Variants in OC90 observed in about 807,000 individuals in gnomAD.
OC90 encodes otoconin 90, also known as otoconin-90.
A neutral mutation model predicts 47.3 loss-of-function variants in OC90; 46 were observed. The observed-to-expected ratio is 0.97, with a 90% CI of 0.77 to 1.24. OC90 has a LOEUF of 1.24. Among genes scored for constraint, OC90 ranks in the 50% most tolerant of loss-of-function variants. The pLI is 0.00. For synonymous variants in OC90, 271 were observed against 219.5 expected, an observed-to-expected ratio of 1.23 and a Z score of -2.07; for missense variants, 688 against 583.9, an observed-to-expected ratio of 1.18 and a Z score of -1.84.
At chr8:132,033,782 A>T (rs1317013780) in intron 10 of OC90, among the ~76,000 whole-genome samples, 1 of 152,088 alleles carries the variant, frequency 6.6e-6, no homozygotes, top group Non-Finnish European at 1.5e-5. Context: ...TCTTAGCTGG[A>T]GGCAGCAAAG....
intron 9 of OC90, 56 bp from the exon 10 acceptor site, chr8:132,034,890 G>T: frequency 1.5e-6 from 2 of 1,349,730 alleles, no homozygotes; most frequent in South Asian, 1.2e-5. Context: ...GTCCCACCTG[G>T]GTTTCCAGAG....
At chr8:132,049,284 T>G (rs1172415503) in intron 2 of OC90, among the ~76,000 whole-genome samples, 1 of 146,908 alleles carries the variant, frequency 6.8e-6, no homozygotes, top group African/African-American at 2.7e-5. Context: ...ACTCCAAACC[T>G]TCTGTGATTC....
chr8:132,032,346 T>TG (rs1411201308), intron 11 of OC90, among the ~76,000 whole-genome samples: 1 of 152,130 alleles, frequency 6.6e-6, no homozygotes, highest in Non-Finnish European at 1.5e-5. Flanking sequence ...AGATGCTGTT[T>TG]GGGGCCACAT....
chr8:132,038,711 TG>T, intron 8 of OC90, 78 bp downstream of exon 8: 1 of 1,104,900 alleles, frequency 9.1e-7, no homozygotes, highest in Non-Finnish European at 1.4e-6. Flanking sequence ...GCAGGCCTGG[TG>T]GAGGAGGTGT....
intron 9 of OC90, chr8:132,036,511 G>A (rs887120830): frequency 1.3e-6 from 1 of 768,812 alleles, no homozygotes; most frequent in Admixed American, 1.7e-5. Flanking sequence ...GGATGTAAGA[G>A]AGGAGGCTTA....
chr8:132,056,157 G>A (rs1823277149), intron 1 of OC90, among the ~76,000 whole-genome samples: 1 of 152,168 alleles, frequency 6.6e-6, no homozygotes, highest in Non-Finnish European at 1.5e-5. Context: ...GGGTCAACTA[G>A]ATGCTGAAAA....
At chr8:132,046,729 A>G (rs890524489) in intron 2 of OC90, among the ~76,000 whole-genome samples, 1 of 152,182 alleles carries the variant, frequency 6.6e-6, no homozygotes, top group African/African-American at 2.4e-5. Context: ...AATGATCAAA[A>G]GGGTTTTGTC....
intron 4 of OC90, among the ~76,000 whole-genome samples, chr8:132,043,739 A>C (rs1823091606): frequency 6.6e-6 from 1 of 152,202 alleles, no homozygotes; most frequent in African/African-American, 2.4e-5. Context: ...AAAAAGCAAC[A>C]CTAAGCTTTA....
intron 9 of OC90, among the ~76,000 whole-genome samples, 179 bp downstream of exon 9, chr8:132,037,259 G>T (rs944089181): frequency 2.0e-5 from 3 of 152,222 alleles, no homozygotes; most frequent in Admixed American, 2.0e-4. Flanking sequence ...TGGAGATGGG[G>T]CCTGGTGGGA....
intron 9 of OC90, among the ~76,000 whole-genome samples, chr8:132,035,824 G>T (rs1413826183): frequency 6.6e-6 from 1 of 152,172 alleles, no homozygotes; most frequent in South Asian, 2.1e-4. Flanking sequence ...GTAAAATGAG[G>T]ATAGGCCTCC....
Position 132,031,738 on chromosome 8 carries a change from G to A in OC90, c.1031+143C>T, listed in dbSNP as rs898319747. 4.6e-6 allele frequency: 3 copies of A among 651,966 alleles called. No individual in the cohort carries two copies. The African/African-American group carries it at 5.5e-5, about 12-fold the overall frequency. The allele number at this position is 651,966 out of a possible 1,614,324, so 40.4% of individuals were successfully genotyped here. ...GAAAGTGGGCCTATGATGCTGTAGA[G>A]CCACCTGAGTGAGCTGCTGTGTGCA... On this transcript the variant is annotated intron_variant, in intron 12 of 13. Coordinates refer to ENST00000254627, the MANE Select transcript of OC90 (RefSeq NM_001080399.3).
chr8:132,042,455 C>T (rs1487324514), intron 4 of OC90, among the ~76,000 whole-genome samples: 2 of 152,092 alleles, frequency 1.3e-5, no homozygotes, highest in African/African-American at 2.4e-5. Context: ...TACTGAGGCT[C>T]GGGGTCCCAA....
intron 13 of OC90, among the ~76,000 whole-genome samples, chr8:132,028,856 AGGAAGGAAGGAAG>A (rs1473143548): frequency 6.8e-6 from 1 of 147,812 alleles, no homozygotes; most frequent in Non-Finnish European, 1.5e-5. Context: ...AGAAGGAAAG[AGGAAGGAAGGAAG>A]GGAAGGAAGG....
intron 9 of OC90, among the ~76,000 whole-genome samples, chr8:132,035,274 G>A (rs1160798652): frequency 1.3e-5 from 2 of 152,194 alleles, no homozygotes; most frequent in African/African-American, 4.8e-5. Context: ...TGTTGTTATT[G>A]TTATTTGACA....
chr8:132,032,914 G>A, intron 11 of OC90, 125 bp downstream of exon 11: 2 of 1,086,118 alleles, frequency 1.8e-6, no homozygotes, highest in Admixed American at 5.4e-5. Context: ...GCAGTCAGGG[G>A]GATGATGTCT....
rs527523369 is a variant in OC90 at position 132,046,360 on chromosome 8, C to G, written c.47-477G>C. Among the ~76,000 whole-genome samples, 20 of 152,304 alleles carry G rather than the reference C, an allele frequency of 1.3e-4. No homozygotes were observed. In the East Asian group the frequency reaches 3.7e-3, roughly 28 times the overall value. On this transcript the variant is annotated intron_variant, in intron 2 of 13. Coordinates refer to ENST00000254627, the MANE Select transcript of OC90 (RefSeq NM_001080399.3). ...CCGTAAACATTCTGATTTCTGTGCT[C>G]TCACTCAAGTTTGATTCAGCCAGTC...
intron 1 of OC90, among the ~76,000 whole-genome samples, chr8:132,058,317 G>A (rs1823301543): frequency 6.6e-6 from 1 of 152,176 alleles, no homozygotes; most frequent in South Asian, 2.1e-4. Context: ...TCTACCTGGA[G>A]GAAAGACCTC....
chr8:132,057,164 A>G (rs1823288721), intron 1 of OC90, among the ~76,000 whole-genome samples: 2 of 152,254 alleles, frequency 1.3e-5, no homozygotes, highest in South Asian at 4.1e-4. Context: ...CAATGATGGC[A>G]TCTGGCTCGA....
intron 13 of OC90, among the ~76,000 whole-genome samples, chr8:132,026,446 A>G (rs1282288288): frequency 2.0e-5 from 3 of 152,176 alleles, no homozygotes; most frequent in Admixed American, 2.0e-4. Flanking sequence ...TGACAAGAAG[A>G]GGAGGAAAAT....
Sources: allele counts gnomAD v4.1 joint callset (sites outside exome capture counted in the v4.1 genomes callset), GRCh38; gene constraint gnomAD v4.1.1; transcripts MANE v1.5; gene names NCBI Gene and HGNC (gene_info 2026-07-23, HGNC 2026-07-21).